KLHL21: variants seen among roughly 807,000 people sequenced by gnomAD.
The protein encoded by KLHL21 is kelch-like protein 21.
In KLHL21, 42 loss-of-function variants were observed where a neutral mutation model predicts 44.1. The ratio of observed to expected loss-of-function variants is 0.95; its 90% CI spans 0.74 to 1.23. The LOEUF is 1.23. Ranked by LOEUF, KLHL21 falls within the 50% of genes most tolerant of loss-of-function variation. The pLI, the probability that KLHL21 is intolerant of heterozygous loss-of-function variation, is 0.00. For missense variants in KLHL21, 918 were observed against 889.1 expected (o/e 1.03, Z -0.41); for synonymous variants, 524 against 411.6 (o/e 1.27, Z -3.31).
At chr1:6,597,296 A>T (rs575190140) in intron 2 of KLHL21, among the ~76,000 whole-genome samples, 3 of 152,218 alleles carry the variant, frequency 2.0e-5, no homozygotes, top group East Asian at 3.9e-4. Flanking sequence ...CCTGGCGCAC[A>T]TCTTCACATC....
At chr1:6,594,130 C>T in intron 3 of KLHL21, 1 of 975,128 alleles carries the variant, frequency 1.0e-6, no homozygotes, top group Non-Finnish European at 1.2e-6. Flanking sequence ...AAACAGAACG[C>T]TGGGTCTCTT....
Position 6,595,540 on chromosome 1 carries a change from A to G in KLHL21, c.1445T>C (p.Val482Ala). The G allele has an allele frequency of 6.2e-7, 1 of 1,613,920 alleles. No individual in the cohort carries two copies. Among genetic ancestry groups the G allele is most frequent in the Middle Eastern group, 1.7e-4 (1 of 5,996 alleles). ...GTTCCTCGTCGGGTTGTACACGTCCACCTCAGCGGAGTCATCCCTGTGGAG... is the reference window on the plus strand; with the variant it reads ...GTTCCTCGTCGGGTTGTACACGTCCGCCTCAGCGGAGTCATCCCTGTGGAG... ...MYFVRDDSAE[V>A]DVYNPTRNEW... Residue 482 changes from valine (V) to alanine (A), a missense_variant, in exon 3 of 4, where the codon GTG becomes GCG. Transcript: ENST00000377658.
At chr1:6,595,666 G>GAT in intron 2 of KLHL21, 109 bp from the exon 3 acceptor site, 1 of 875,422 alleles carries the variant, frequency 1.1e-6, no homozygotes, top group South Asian at 1.7e-5. Flanking sequence ...CAGTGACCTG[G>GAT]ATCTTTCTGA....
rs1398092730 is a variant in KLHL21, at chr1:6,599,062, A to C, written c.1412T>G (p.Leu471Arg). Residue 471 changes from leucine (L) to arginine (R), a missense_variant, in exon 2 of 4, where the codon CTC (leucine) becomes CGC (arginine). Leu to Arg is a moderately radical substitution (Grantham distance 102). Transcript: ENST00000377658. ...FAPKTATLNGLMYFVRDDSAE... is the reference protein window; with the variant it reads ...FAPKTATLNGRMYFVRDDSAE... ...TGGAACTCACCTGACAAAGTACATG[A>C]GTCCGTTTAGAGTCGCAGTCTTGGG... is the stretch of plus-strand genomic sequence containing the variant. The C allele has an allele frequency of 6.3e-7, 1 of 1,590,882 alleles. No homozygotes were observed. Among genetic ancestry groups the C allele is most frequent in the Non-Finnish European group, 8.6e-7 (1 of 1,167,386 alleles).
In KLHL21 at chr1:6,599,274, G is replaced by A. The variant is rs1570200554; in HGVS notation, c.1200C>T (p.Asp400=). The change falls in exon 2 of 4, where the codon GAC becomes GAT. Residue 400 remains aspartate (D), a synonymous_variant. Coordinates refer to ENST00000377658, the MANE Select transcript of KLHL21 (RefSeq NM_014851.4). The part of the protein sequence containing the change: ...DSTERYDHTT[D]SWEALQPMTY... ...TCATGGGCTGCAGGGCCTCCCAGGA[G>A]TCAGTGGTGTGGTCATAGCGCTCGG... The A allele has an allele frequency of 6.2e-7, 1 of 1,614,096 alleles. No individual in the cohort carries two copies. The highest frequency in any genetic ancestry group is 8.5e-7 in the Non-Finnish European group (1 of 1,180,032).
At chr1:6,597,898 G>A (rs1191357633) in intron 2 of KLHL21, among the ~76,000 whole-genome samples, 1 of 152,242 alleles carries the variant, frequency 6.6e-6, no homozygotes, top group Non-Finnish European at 1.5e-5. Context: ...GGGAGGGGCT[G>A]CCCCGTGCCA....
intron 3 of KLHL21, chr1:6,595,157 GC>G (rs1640906859): frequency 3.6e-6 from 2 of 554,288 alleles, no homozygotes; most frequent in Non-Finnish European, 6.4e-6. Flanking sequence ...CTGCTGCAGG[GC>G]CTCTGTACCT....
rs373638506 is a variant in KLHL21, at chr1:6,591,364, G to A, written c.*2001C>T. 5.4e-5 allele frequency: 12 copies of A among 223,920 alleles called. No homozygotes were observed. Among genetic ancestry groups the A allele is most frequent in the Admixed American group, 1.2e-4 (2 of 17,342 alleles). The allele number at this position is 223,920 out of a possible 1,614,324, so 13.9% of individuals were successfully genotyped here. On this transcript the variant is annotated 3_prime_UTR_variant, in exon 4 of 4. Transcript: ENST00000377658. The stretch of plus-strand genomic sequence containing the variant: ...AGTGGCCGACACAAGCCTGGAGTAC[G>A]GCAGCTGCCAACCACAGCAAAGCCG...
At position 6,602,307 on chromosome 1, in the gene KLHL21, C is replaced by G; in HGVS notation, c.511G>C (p.Glu171Gln). Residue 171 changes from glutamate to glutamine, a missense_variant, in exon 1 of 4, where the codon GAG becomes CAG. Physicochemically the swap from Glu to Gln is conservative, Grantham distance 29. Transcript: ENST00000377658. ...GCCAGTGGCAGCCGCTCCAGCTGCT[C>G]GGCGCCCAGCTCGCCCACGTGGCGC... ...ILRHVGELGAEQLERLPLARL... is the reference protein window; with the variant it reads ...ILRHVGELGAQQLERLPLARL... The G allele has an allele frequency of 1.3e-6, 2 of 1,554,458 alleles. No homozygotes were observed. The highest frequency in any genetic ancestry group is 1.4e-5 in the African/African-American group (1 of 73,334).
In KLHL21 at chr1:6,591,858, C is replaced by G. The variant is rs1264147843; in HGVS notation, c.*1507G>C. On this transcript the variant is annotated 3_prime_UTR_variant, in exon 4 of 4. Coordinates refer to ENST00000377658, the MANE Select transcript of KLHL21 (RefSeq NM_014851.4). ...TGTTCCATGCTGCCCACAGGACTCC[C>G]AGCCAGGCCCCAGCAGGCCTGGACA... The G allele has an allele frequency of 6.6e-6, 1 of 152,362 alleles. No individual in the cohort carries two copies. The highest frequency in any genetic ancestry group is 2.4e-5 in the African/African-American group (1 of 41,462). The allele number at this position is 152,362 out of a possible 1,614,324, so 9.4% of individuals were successfully genotyped here.
intron 3 of KLHL21, chr1:6,593,967 G>C: frequency 8.5e-7 from 1 of 1,171,412 alleles, no homozygotes; most frequent in Non-Finnish European, 1.1e-6. Flanking sequence ...GTGGCCCTCT[G>C]GGCTGAGCAG....
At chr1:6,600,078 C>T (rs1640994310) in intron 1 of KLHL21, among the ~76,000 whole-genome samples, 1 of 152,020 alleles carries the variant, frequency 6.6e-6, no homozygotes, top group African/African-American at 2.4e-5. Flanking sequence ...CAGAGTCTTG[C>T]TCTGTCACCC....
At chr1:6,596,363 G>A (rs911933109) in intron 2 of KLHL21, among the ~76,000 whole-genome samples, 3 of 152,192 alleles carry the variant, frequency 2.0e-5, no homozygotes, top group Admixed American at 6.5e-5. Context: ...CCCGGGAGGC[G>A]GAGATTACAG....
At position 6,599,231 on chromosome 1, in the gene KLHL21, A is replaced by C; in HGVS notation, c.1243T>G (p.Cys415Gly). The C allele has an allele frequency of 6.2e-7, 1 of 1,614,096 alleles. No homozygotes were observed. Among genetic ancestry groups the C allele is most frequent in the Admixed American group, 1.7e-5 (1 of 60,012 alleles). Reference protein sequence around the residue: ...LQPMTYPMDNCSTTACRGRLY... With the variant: ...LQPMTYPMDNGSTTACRGRLY... The stretch of plus-strand genomic sequence containing the variant: ...CGGCCACGGCACGCAGTGGTGGAGC[A>C]GTTGTCCATGGGGTAGGTCATGGGC... The change falls in exon 2 of 4, where the codon TGC becomes GGC. Residue 415 changes from cysteine (C) to glycine (G), a missense_variant. Coordinates refer to ENST00000377658, the MANE Select transcript of KLHL21 (RefSeq NM_014851.4).
At chr1:6,598,508 T>C (rs1405340393) in intron 2 of KLHL21, among the ~76,000 whole-genome samples, 1 of 151,164 alleles carries the variant, frequency 6.6e-6, no homozygotes, top group Admixed American at 6.6e-5. Flanking sequence ...AGGCAGAGGT[T>C]GCAGTGAGCC....
intron 2 of KLHL21, among the ~76,000 whole-genome samples, chr1:6,598,134 C>G (rs1640953732): frequency 6.6e-6 from 1 of 152,198 alleles, no homozygotes; most frequent in South Asian, 2.1e-4. Context: ...ACTGTGGGCT[C>G]CGAAAGACCA....
intron 2 of KLHL21, among the ~76,000 whole-genome samples, chr1:6,597,912 T>C (rs983749906): frequency 1.3e-5 from 2 of 152,216 alleles, no homozygotes; most frequent in Admixed American, 1.3e-4. Context: ...CGTGCCATCA[T>C]TGATGCCCAG....
At chr1:6,598,997 C>T in intron 2 of KLHL21, 50 bp downstream of exon 2, 1 of 1,506,558 alleles carries the variant, frequency 6.6e-7, no homozygotes, top group Non-Finnish European at 8.9e-7. Flanking sequence ...TAAGACAGGG[C>T]CTGGTAAGAG....
In KLHL21 at chr1:6,595,394, C is replaced by T. The variant is rs749344960; in HGVS notation, c.1500+91G>A. The T allele has an allele frequency of 1.9e-5, 23 of 1,180,124 alleles. 1 individual carries two copies. The South Asian group carries it at 2.4e-4, about 12-fold the overall frequency. 73.1% of individuals were successfully genotyped at this position (1,180,124 alleles called of 1,614,324 possible). A position where few individuals can be genotyped will look rare whatever the true frequency, so the allele number is the denominator to read the frequency against. On this transcript the variant is annotated intron_variant, in intron 3 of 3. Transcript: ENST00000377658. Reference sequence around the variant, plus strand: ...TTGAGATGAGACCCACCCATCATGGCTGTGGATCCCAAACACTCATCACGA... The same window carrying T: ...TTGAGATGAGACCCACCCATCATGGTTGTGGATCCCAAACACTCATCACGA...
Sources: allele counts gnomAD v4.1 joint callset (sites outside exome capture counted in the v4.1 genomes callset), GRCh38; gene constraint gnomAD v4.1.1; transcripts MANE v1.5; gene names NCBI Gene and HGNC (gene_info 2026-07-23, HGNC 2026-07-21).